Variants in GPC6 observed in about 807,000 individuals in gnomAD.
GPC6 encodes glypican 6, also known as glypican-6.
A neutral mutation model predicts 55.2 loss-of-function variants in GPC6; 14 were observed. The observed-to-expected ratio is 0.25, with a 90% CI of 0.17 to 0.40. GPC6 has a LOEUF of 0.40. Among genes scored for constraint, GPC6 ranks in the 10% least tolerant of loss-of-function variants. GPC6 has a pLI of 1.00. For missense variants in GPC6, 641 were observed against 708.5 expected (o/e 0.90, Z 1.08); for synonymous variants, 278 against 259.6 (o/e 1.07, Z -0.68).
At chr13:93,856,137 C>A (rs1454631824) in intron 3 of GPC6, among the ~76,000 whole-genome samples, 1 of 151,440 alleles carries the variant, frequency 6.6e-6, no homozygotes, top group African/African-American at 2.4e-5. Context: ...TCTTGCACTG[C>A]CATCTCAGTT....
At chr13:93,866,937 C>T (rs1010211527) in intron 3 of GPC6, among the ~76,000 whole-genome samples, 2 of 151,606 alleles carry the variant, frequency 1.3e-5, no homozygotes, top group Admixed American at 1.3e-4. Context: ...TAATTTTTAG[C>T]AAAAATTAAA....
chr13:94,071,524 A>C (rs117850689), intron 4 of GPC6, among the ~76,000 whole-genome samples: 1 of 152,160 alleles, frequency 6.6e-6, no homozygotes, highest in Non-Finnish European at 1.5e-5. Context: ...ACAGAGCTCA[A>C]TTACAAATGT....
chr13:93,461,630 A>G (rs1449612092), intron 1 of GPC6, among the ~76,000 whole-genome samples: 1 of 124,504 alleles, frequency 8.0e-6, no homozygotes, highest in African/African-American at 3.2e-5. Context: ...AGTTCAAGCC[A>G]TATGTTTCAT....
intron 2 of GPC6, among the ~76,000 whole-genome samples, chr13:93,733,955 C>G (rs1883911606): frequency 6.6e-6 from 1 of 152,094 alleles, no homozygotes; most frequent in South Asian, 2.1e-4. Flanking sequence ...TTCTTTCATT[C>G]ATGGTCTTCA....
chr13:94,359,447 A>G (rs1166326576), intron 6 of GPC6, among the ~76,000 whole-genome samples: 2 of 152,218 alleles, frequency 1.3e-5, no homozygotes, highest in Non-Finnish European at 2.9e-5. Context: ...TTATTAATCT[A>G]GGGGAAAAAT....
intron 2 of GPC6, among the ~76,000 whole-genome samples, chr13:93,643,766 G>T (rs761496578): frequency 6.6e-6 from 1 of 152,056 alleles, no homozygotes; most frequent in Non-Finnish European, 1.5e-5. Context: ...TTTAGCTCAA[G>T]ATTCTTGTTA....
intron 4 of GPC6, among the ~76,000 whole-genome samples, chr13:94,149,675 A>G (rs1887671340): frequency 6.6e-6 from 1 of 152,068 alleles, no homozygotes. Context: ...ATTTTTACTC[A>G]GAATCCTAGA....
intron 3 of GPC6, among the ~76,000 whole-genome samples, chr13:93,864,001 C>T (rs74833740): frequency 6.6e-6 from 1 of 151,560 alleles, no homozygotes; most frequent in Admixed American, 6.6e-5. Context: ...TCCCATCTTG[C>T]CTTTGTAGGG....
chr13:93,511,447 T>C (rs1880968779), intron 1 of GPC6, among the ~76,000 whole-genome samples: 1 of 44,640 alleles, frequency 2.2e-5, no homozygotes, highest in African/African-American at 4.7e-5. Context: ...CTTTCCCCAA[T>C]ATAAATTTTT....
intron 1 of GPC6, among the ~76,000 whole-genome samples, chr13:93,238,159 A>G (rs566792819): frequency 6.6e-6 from 1 of 152,268 alleles, no homozygotes; most frequent in East Asian, 1.9e-4. Flanking sequence ...TTTTGGCAGT[A>G]TGGTCATTTT....
intron 3 of GPC6, among the ~76,000 whole-genome samples, chr13:93,972,927 G>GTC (rs577057713): frequency 0.012 from 1,588 of 136,792 alleles, 10 homozygotes; most frequent in Admixed American, 0.019. Flanking sequence ...CTGTCTCTCT[G>GTC]TCTCTCTCTC....
intron 4 of GPC6, among the ~76,000 whole-genome samples, chr13:94,152,856 C>A (rs946112832): frequency 2.0e-5 from 3 of 152,188 alleles, no homozygotes; most frequent in Non-Finnish European, 4.4e-5. Flanking sequence ...TCAAGGCAAC[C>A]AATAACTACT....
chr13:93,270,246 T>C (rs1877471374), intron 1 of GPC6, among the ~76,000 whole-genome samples: 1 of 114,516 alleles, frequency 8.7e-6, no homozygotes, highest in African/African-American at 3.9e-5. Flanking sequence ...TGAGACCTTT[T>C]CTCCTTAAAA....
intron 1 of GPC6, among the ~76,000 whole-genome samples, chr13:93,441,448 A>G (rs906567856): frequency 2.0e-5 from 3 of 152,172 alleles, no homozygotes; most frequent in African/African-American, 7.2e-5. Context: ...ATGGCCAGTG[A>G]TGATGAGCAT....
At position 93,231,397 on chromosome 13, in the gene GPC6, G is replaced by GTGTA. The variant is rs1284453371; in HGVS notation, c.160+3782_160+3783insGTAT. On this transcript the variant is annotated intron_variant, in intron 1 of 8. Transcript: ENST00000377047. The stretch of plus-strand genomic sequence containing the variant: ...TATATATACATATATATATATATAT[G>GTGTA]TATATATATATATATATATATATAT... Among the ~76,000 whole-genome samples the GTGTA allele has an allele frequency of 2.0e-3, 92 of 45,846 alleles. 3 individuals carry two copies. Among genetic ancestry groups the GTGTA allele is most frequent in the South Asian group, 6.1e-3 (9 of 1,476 alleles). 30.1% of individuals were successfully genotyped at this position (45,846 alleles called of 152,430 possible).
chr13:93,422,354 A>G (rs1876953275), intron 1 of GPC6, among the ~76,000 whole-genome samples: 1 of 152,220 alleles, frequency 6.6e-6, no homozygotes, highest in East Asian at 1.9e-4. Flanking sequence ...CTTAAAGTAT[A>G]GTTTGCCTTT....
At chr13:94,163,933 G>A (rs1888259718) in intron 4 of GPC6, among the ~76,000 whole-genome samples, 1 of 152,198 alleles carries the variant, frequency 6.6e-6, no homozygotes. Flanking sequence ...AATATGCAGT[G>A]TGTAGAGGGT....
At chr13:93,670,732 G>T (rs1342732398) in intron 2 of GPC6, among the ~76,000 whole-genome samples, 2 of 152,104 alleles carry the variant, frequency 1.3e-5, no homozygotes, top group African/African-American at 4.8e-5. Context: ...ACTCAGTAAC[G>T]GTTTTACAAT....
At chr13:94,215,396 T>C (rs1890196680) in intron 4 of GPC6, among the ~76,000 whole-genome samples, 1 of 152,204 alleles carries the variant, frequency 6.6e-6, no homozygotes, top group Admixed American at 6.5e-5. Flanking sequence ...GCAGACACAC[T>C]TGCCCTAAAA....
Sources: allele counts gnomAD v4.1 joint callset (sites outside exome capture counted in the v4.1 genomes callset), GRCh38; gene constraint gnomAD v4.1.1; transcripts MANE v1.5; gene names NCBI Gene and HGNC (gene_info 2026-07-23, HGNC 2026-07-21).